The following DNAH12 variants were observed in gnomAD, a reference collection of about 807,000 sequenced individuals.
DNAH12 encodes axonemal beta dynein heavy chain 12.
In DNAH12, 285 loss-of-function variants were observed where a neutral mutation model predicts 371.5. The ratio of observed to expected loss-of-function variants is 0.77; its 90% CI spans 0.70 to 0.85. DNAH12 has a LOEUF of 0.85. DNAH12 is among the 40% of genes least tolerant of loss of function. The pLI is 0.00. For missense variants in DNAH12, 3,611 were observed against 3,689.4 expected (o/e 0.98, Z 0.55); for synonymous variants, 1,200 against 1,213.0 (o/e 0.99, Z 0.22).
the DNAH12 span, among the ~76,000 whole-genome samples, chr3:57,550,336 A>C: frequency 1.6e-3 from 246 of 152,202 alleles, no homozygotes; most frequent in Non-Finnish European, 2.1e-3. Context: ...ACAAAACAAA[A>C]CAAACAATGA....
chr3:57,446,705 C>A lies in DNAH12; in HGVS notation c.3787-16G>T. 6.8e-7 allele frequency: 1 copy of A among 1,474,318 alleles called. No individual in the cohort carries two copies. Among genetic ancestry groups the A allele is most frequent in the Non-Finnish European group, 9.0e-7 (1 of 1,107,016 alleles). The allele number at this position is 1,474,318 out of a possible 1,614,324, so 91.3% of individuals were successfully genotyped here. On this transcript the variant is annotated splice_polypyrimidine_tract_variant and intron_variant, in intron 25 of 73. Coordinates refer to ENST00000495027, the MANE Select transcript of DNAH12 (RefSeq NM_001366028.2). The stretch of plus-strand genomic sequence containing the variant: ...AAGCACCTATCTGAAATGAAAAACA[C>A]ATGTGAAAAGAAATCCATGCTTAAA...
Position 57,448,370 on chromosome 3 carries a change from G to A in DNAH12, c.3787-1681C>T, listed in dbSNP as rs115930447. The stretch of plus-strand genomic sequence containing the variant: ...CTTGTTCATTCCTCCTGGTGGGCTC[G>A]TGCTCTCACTGGCTTCAGGAGAGAA... On this transcript the variant is annotated intron_variant, in intron 25 of 73. Transcript: ENST00000495027. Among the ~76,000 whole-genome samples, 1,433 of 151,944 alleles carry A rather than the reference G, an allele frequency of 9.4e-3. 25 individuals carry two copies. The highest frequency in any genetic ancestry group is 0.032 in the African/African-American group (1,332 of 41,392).
intron 13 of DNAH12, among the ~76,000 whole-genome samples, chr3:57,473,496 A>G (rs940952969): frequency 6.6e-6 from 1 of 152,008 alleles, no homozygotes; most frequent in African/African-American, 2.4e-5. Flanking sequence ...AAAAAAAAAA[A>G]AAGTTGGAGG....
At chr3:57,477,436 C>T (rs1051986919) in intron 13 of DNAH12, among the ~76,000 whole-genome samples, 1 of 152,310 alleles carries the variant, frequency 6.6e-6, no homozygotes, top group Non-Finnish European at 1.5e-5. Flanking sequence ...GAAGCTCGAA[C>T]TGGGTGGAGT....
At chr3:57,531,767 C>CAAAAAAAAAA (rs35142998) in intron 2 of DNAH12, among the ~76,000 whole-genome samples, 5 of 50,270 alleles carry the variant, frequency 9.9e-5, no homozygotes, top group Non-Finnish European at 1.5e-4. Flanking sequence ...CACTCCATCT[C>CAAAAAAAAAA]AAAAAAAAAA....
chr3:57,489,798 T>C, intron 11 of DNAH12, 111 bp from the exon 12 acceptor site: 1 of 1,153,578 alleles, frequency 8.7e-7, no homozygotes, highest in Non-Finnish European at 1.2e-6. Context: ...TTATTTCTTT[T>C]TTGCTAAGTG....
At chr3:57,419,027 G>T (rs2064480651) in intron 37 of DNAH12, among the ~76,000 whole-genome samples, 1 of 152,168 alleles carries the variant, frequency 6.6e-6, no homozygotes, top group African/African-American at 2.4e-5. Flanking sequence ...GTGGATCATG[G>T]TTACTTTGAT....
intron 60 of DNAH12, among the ~76,000 whole-genome samples, chr3:57,337,949 C>T (rs1288813162): frequency 6.6e-6 from 1 of 152,196 alleles, no homozygotes; most frequent in East Asian, 1.9e-4. Flanking sequence ...ATAAAACATT[C>T]TCCCGGATTG....
At chr3:57,539,044 TCTTGTAAACCTACTTTCCTCCTC>T (rs2069166676) in intron 2 of DNAH12, among the ~76,000 whole-genome samples, 1 of 152,102 alleles carries the variant, frequency 6.6e-6, no homozygotes, top group Non-Finnish European at 1.5e-5. Context: ...GACACACATC[TCTTGTAAACCTACTTTCCTCCTC>T]CACTGTCTCC....
Position 57,504,036 on chromosome 3 carries a change from G to C in DNAH12, c.1066C>G (p.Arg356Gly), listed in dbSNP as rs1168567849. ...LEDNVLSLVERIAEALQNVQT... is the reference protein window; with the variant it reads ...LEDNVLSLVEGIAEALQNVQT... Reference sequence around the variant, plus strand: ...AATACCTGCAGAGCTTCGGCTATTCGTTCCACCAAACTCAAGACATTATCT... The same window carrying C: ...AATACCTGCAGAGCTTCGGCTATTCCTTCCACCAAACTCAAGACATTATCT... Residue 356 changes from arginine to glycine, a missense_variant, in exon 9 of 74, where the codon CGA (arginine) becomes GGA (glycine). Coordinates refer to ENST00000495027, the MANE Select transcript of DNAH12 (RefSeq NM_001366028.2). 2 of 1,612,750 alleles carry C rather than the reference G, an allele frequency of 1.2e-6. No individual in the cohort carries two copies. The highest frequency in any genetic ancestry group is 4.5e-5 in the East Asian group (2 of 44,828).
At chr3:57,514,255 A>C (rs953085780) in intron 4 of DNAH12, among the ~76,000 whole-genome samples, 9 of 151,842 alleles carry the variant, frequency 5.9e-5, no homozygotes, top group Non-Finnish European at 4.4e-5. Context: ...TTAGCTGGAC[A>C]TGGTGGGGGG....
intron 55 of DNAH12, among the ~76,000 whole-genome samples, chr3:57,374,532 C>G (rs2063241549): frequency 6.6e-6 from 1 of 151,996 alleles, no homozygotes; most frequent in African/African-American, 2.4e-5. Context: ...ACAATGATAG[C>G]TAATAAAAAA....
At chr3:57,436,858 A>T in intron 30 of DNAH12, 93 bp downstream of exon 30, 1 of 900,262 alleles carries the variant, frequency 1.1e-6, no homozygotes, top group Non-Finnish European at 1.6e-6. Context: ...CAACTCACCT[A>T]ATCAGTTTGC....
At chr3:57,477,459 AAG>A (rs1306025953) in intron 13 of DNAH12, among the ~76,000 whole-genome samples, 2 of 152,144 alleles carry the variant, frequency 1.3e-5, no homozygotes, top group Non-Finnish European at 2.9e-5. Context: ...ACGGCAGCTC[AAG>A]GAGGCCTGCC....
intron 62 of DNAH12, among the ~76,000 whole-genome samples, chr3:57,326,506 T>G (rs1314848664): frequency 6.6e-6 from 1 of 152,042 alleles, no homozygotes; most frequent in Non-Finnish European, 1.5e-5. Flanking sequence ...GACAAACAAA[T>G]GCTGAGCAAT....
At chr3:57,408,753 G>T (rs1443339972) in intron 39 of DNAH12, among the ~76,000 whole-genome samples, 2 of 52,174 alleles carry the variant, frequency 3.8e-5, no homozygotes, top group Admixed American at 3.5e-4. Context: ...TATCTGGAAT[G>T]ACCCTTCCCT....
intron 13 of DNAH12, among the ~76,000 whole-genome samples, chr3:57,478,738 C>T (rs2066626158): frequency 6.6e-6 from 1 of 152,316 alleles, no homozygotes; most frequent in African/African-American, 2.4e-5. Context: ...GGCAGAAACT[C>T]TATAAGCCAG....
chr3:57,361,410 A>ACACACACACAC lies in DNAH12; in HGVS notation c.9360+2183_9360+2184insGTGTGTGTGTG, dbSNP rs2062926193. 9.9e-4 allele frequency among the ~76,000 whole-genome samples: 143 copies of ACACACACACAC among 144,192 alleles called. 1 individual carries two copies. The highest frequency in any genetic ancestry group is 3.7e-3 in the African/African-American group (137 of 37,082). 94.6% of individuals were successfully genotyped at this position (144,192 alleles called of 152,430 possible). A position where few individuals can be genotyped will look rare whatever the true frequency, so the allele number is the denominator to read the frequency against. ...ATATATACATACGCACTATATATATATACACACACACTATATATATATACA... is the reference window on the plus strand; with the variant it reads ...ATATATACATACGCACTATATATATACACACACACACTACACACACACTATATATATATACA... On this transcript the variant is annotated intron_variant, in intron 58 of 73. Transcript: ENST00000495027.
Position 57,293,872 on chromosome 3 carries a change from T to C in DNAH12, c.11792A>G (p.Asn3931Ser). 2 of 1,550,334 alleles carry C rather than the reference T, an allele frequency of 1.3e-6. No homozygotes were observed. The highest frequency in any genetic ancestry group is 1.4e-5 in the African/African-American group (1 of 73,026). ...GTLSTTGHST[N>S]FVIAMLLKTD... ...TTTTAACAACATTGCAATGACAAAG[T>C]TAGTAGAATGTCCCGTAGTGGAAAG... Residue 3931 changes from asparagine (N) to serine (S), a missense_variant, in exon 74 of 74, where the codon AAC becomes AGC. Physicochemically the swap from Asn to Ser is conservative, Grantham distance 46. Coordinates refer to ENST00000495027, the MANE Select transcript of DNAH12 (RefSeq NM_001366028.2).
Sources: gnomAD v4.1 joint callset for allele counts (sites outside exome capture counted in the v4.1 genomes callset) on GRCh38, gnomAD v4.1.1 for gene constraint, MANE v1.5 for transcripts, NCBI Gene and HGNC (gene_info 2026-07-23, HGNC 2026-07-21) for gene names.